Variants in HCN1 observed in about 807,000 individuals in gnomAD.
HCN1 encodes hyperpolarization activated cyclic nucleotide gated potassium channel 1, also known as potassium/sodium hyperpolarization-activated cyclic nucleotide-gated channel 1.
Under a neutral mutation model 78.9 loss-of-function variants are expected in HCN1, and 13 were observed. That is an observed-to-expected ratio of 0.16 (90% CI 0.11 to 0.26). The LOEUF is 0.26. HCN1 is among the 10% of genes least tolerant of loss of function. The pLI, the probability that HCN1 is intolerant of heterozygous loss-of-function variation, is 1.00. For missense variants in HCN1, 810 were observed against 1,154.3 expected (o/e 0.70, Z 4.32); for synonymous variants, 552 against 455.5 (o/e 1.21, Z -2.70).
rs2111758410 is a variant in HCN1, at chr5:45,511,982, GT to G, written c.850-49976del. On this transcript the variant is annotated intron_variant, in intron 2 of 7. Coordinates refer to ENST00000303230, the MANE Select transcript of HCN1 (RefSeq NM_021072.4). The stretch of plus-strand genomic sequence containing the variant: ...TACTTGAAAAGTTATAATGCTCAAT[GT>G]AATAAGTTCTACAAAAGGAAGTAGT... Among the ~76,000 whole-genome samples, 3 of 152,120 alleles carry G rather than the reference GT, an allele frequency of 2.0e-5. No individual in the cohort carries two copies. In the South Asian group the frequency reaches 6.2e-4, roughly 32 times the overall value.
intron 3 of HCN1, among the ~76,000 whole-genome samples, chr5:45,409,721 A>G (rs140630369): frequency 0.014 from 2,078 of 152,086 alleles, 28 homozygotes; most frequent in Middle Eastern, 0.061. Context: ...TTTTTATGGT[A>G]GACTGACTTT....
chr5:45,429,651 T>C (rs1327154388), intron 3 of HCN1, among the ~76,000 whole-genome samples: 1 of 152,126 alleles, frequency 6.6e-6, no homozygotes, highest in Non-Finnish European at 1.5e-5. Context: ...GAAAGCAGAA[T>C]GTTTGAGATT....
chr5:45,417,751 CAAA>C (rs1212611466), intron 3 of HCN1, among the ~76,000 whole-genome samples: 19 of 14,790 alleles, frequency 1.3e-3, no homozygotes, highest in Non-Finnish European at 3.1e-3. Flanking sequence ...TGTAGAGAGA[CAAA>C]AAAAAAAAAA....
chr5:45,424,886 A>C (rs1395213298), intron 3 of HCN1, among the ~76,000 whole-genome samples: 1 of 152,222 alleles, frequency 6.6e-6, no homozygotes, highest in East Asian at 1.9e-4. Flanking sequence ...ACATATACAC[A>C]TGTAGTTTAT....
intron 4 of HCN1, among the ~76,000 whole-genome samples, chr5:45,394,484 T>A (rs1423729811): frequency 6.6e-6 from 1 of 152,186 alleles, no homozygotes; most frequent in African/African-American, 2.4e-5. Flanking sequence ...AGCCATGCTA[T>A]AAGATTAAAT....
At position 45,631,181 on chromosome 5, in the gene HCN1, CT is replaced by C. The variant is rs1239466765; in HGVS notation, c.849+14003del. Among the ~76,000 whole-genome samples, 9 of 152,180 alleles carry C rather than the reference CT, an allele frequency of 5.9e-5. 1 individual carries two copies. The highest frequency in any genetic ancestry group is 2.2e-4 in the African/African-American group (9 of 41,444). On this transcript the variant is annotated intron_variant, in intron 2 of 7. Transcript: ENST00000303230. The stretch of plus-strand genomic sequence containing the variant: ...TTCAAGACATACCCTGTCTCCATCT[CT>C]CAGCAAGTCCAACTACTGAAGTAAT...
intron 3 of HCN1, among the ~76,000 whole-genome samples, chr5:45,405,198 G>A (rs1008393902): frequency 6.6e-6 from 1 of 152,074 alleles, no homozygotes; most frequent in Non-Finnish European, 1.5e-5. Flanking sequence ...CAATCAGATA[G>A]AAAGTTGCAT....
intron 2 of HCN1, among the ~76,000 whole-genome samples, chr5:45,533,300 A>C (rs914962981): frequency 4.6e-5 from 7 of 152,188 alleles, no homozygotes; most frequent in Admixed American, 1.3e-4. Flanking sequence ...ACAAAAAAAA[A>C]CTCATAAAAG....
At chr5:45,564,685 A>G (rs1743672524) in intron 2 of HCN1, among the ~76,000 whole-genome samples, 1 of 152,200 alleles carries the variant, frequency 6.6e-6, no homozygotes, top group South Asian at 2.1e-4. Context: ...TCATTTCTAT[A>G]AAGAATTATA....
chr5:45,441,703 T>C (rs1740684282), intron 3 of HCN1, among the ~76,000 whole-genome samples: 1 of 152,124 alleles, frequency 6.6e-6, no homozygotes, highest in Admixed American at 6.5e-5. Flanking sequence ...AAATGAAATA[T>C]TTGGAATAGA....
chr5:45,283,224 T>C (rs970962846), intron 6 of HCN1, among the ~76,000 whole-genome samples: 5 of 152,172 alleles, frequency 3.3e-5, no homozygotes, highest in Non-Finnish European at 5.9e-5. Flanking sequence ...ATTCTTGATA[T>C]AGGAACGGCC....
At chr5:45,531,549 T>C (rs1390856472) in intron 2 of HCN1, among the ~76,000 whole-genome samples, 2 of 152,184 alleles carry the variant, frequency 1.3e-5, no homozygotes, top group African/African-American at 4.8e-5. Flanking sequence ...TTGTGTTGTG[T>C]AAGTATCCCC....
At chr5:45,461,077 C>A (rs1005290407) in intron 3 of HCN1, among the ~76,000 whole-genome samples, 1 of 151,544 alleles carries the variant, frequency 6.6e-6, no homozygotes, top group Admixed American at 6.6e-5. Flanking sequence ...AATATGGGAA[C>A]TTATACAAAA....
chr5:45,323,556 T>C (rs1187887020), intron 5 of HCN1, among the ~76,000 whole-genome samples: 1 of 151,692 alleles, frequency 6.6e-6, no homozygotes, highest in African/African-American at 2.4e-5. Context: ...AAAATTTTTC[T>C]TTTTTTTCAT....
At chr5:45,341,855 A>G (rs1254789202) in intron 5 of HCN1, among the ~76,000 whole-genome samples, 1 of 152,320 alleles carries the variant, frequency 6.6e-6, no homozygotes, top group Middle Eastern at 3.4e-3. Context: ...GTCTTCCACC[A>G]CTACAACACT....
At chr5:45,534,969 A>G (rs1283146798) in intron 2 of HCN1, among the ~76,000 whole-genome samples, 1 of 152,230 alleles carries the variant, frequency 6.6e-6, no homozygotes, top group African/African-American at 2.4e-5. Context: ...CCGACTTGAA[A>G]GCTATTGAAA....
In HCN1 at chr5:45,320,890, G is replaced by A. The variant is rs570280534; in HGVS notation, c.1378-17051C>T. The stretch of plus-strand genomic sequence containing the variant: ...TATTCGTCACAGTTTTTAAAACACC[G>A]TCTGTATTTAACATCTCTACTTTCT... On this transcript the variant is annotated intron_variant, in intron 5 of 7. Transcript: ENST00000303230. Among the ~76,000 whole-genome samples, 11 of 151,848 alleles carry A rather than the reference G, an allele frequency of 7.2e-5. No homozygotes were observed. The East Asian group carries it at 9.7e-4, about 13-fold the overall frequency.
At chr5:45,499,853 T>A (rs1038936038) in intron 2 of HCN1, among the ~76,000 whole-genome samples, 7 of 152,228 alleles carry the variant, frequency 4.6e-5, no homozygotes, top group Admixed American at 2.0e-4. Flanking sequence ...AAATTTTGTT[T>A]ACTTTTAGCA....
At chr5:45,682,167 C>A (rs919220229) in intron 1 of HCN1, among the ~76,000 whole-genome samples, 1 of 151,554 alleles carries the variant, frequency 6.6e-6, no homozygotes, top group African/African-American at 2.4e-5. Context: ...GCCTACAGAA[C>A]CATCAGAAAT....
Sources: gnomAD v4.1 joint callset for allele counts (sites outside exome capture counted in the v4.1 genomes callset) on GRCh38, gnomAD v4.1.1 for gene constraint, MANE v1.5 for transcripts, NCBI Gene and HGNC (gene_info 2026-07-23, HGNC 2026-07-21) for gene names.